The following COPZ2 variants were observed in gnomAD, a reference collection of about 807,000 sequenced individuals.
COPZ2 encodes the protein coatomer subunit zeta-2.
Under a neutral mutation model 33.2 loss-of-function variants are expected in COPZ2, and 30 were observed. The ratio of observed to expected loss-of-function variants is 0.90; its 90% CI spans 0.68 to 1.23. COPZ2 has a LOEUF of 1.23. Among genes scored for constraint, COPZ2 ranks in the 50% most tolerant of loss-of-function variants. The pLI, the probability that COPZ2 is intolerant of heterozygous loss-of-function variation, is 0.00. For synonymous variants in COPZ2, 89 were observed against 102.6 expected, an observed-to-expected ratio of 0.87 and a Z score of 0.80; for missense variants, 263 against 262.4, an observed-to-expected ratio of 1.00 and a Z score of -0.02.
chr17:48,029,055 C>G, intron 7 of COPZ2, 70 bp downstream of exon 7: 1 of 1,418,878 alleles, frequency 7.0e-7, no homozygotes, highest in Non-Finnish European at 9.7e-7. Context: ...CATCTAGGCC[C>G]TAGCAGCCCT....
rs375299365 is a variant in COPZ2 at position 48,028,536 on chromosome 17, G to A, written c.547-26C>T. The A allele has an allele frequency of 3.4e-5, 55 of 1,602,402 alleles. No individual in the cohort carries two copies. Among genetic ancestry groups the A allele is most frequent in the Non-Finnish European group, 4.5e-5 (53 of 1,174,714 alleles). ...CTGTAAGGAAGCAGAGTCAAGGGGT[G>A]GGGTAGGGCCAGCATGAGGGTCCTG... On this transcript the variant is annotated intron_variant, in intron 7 of 8. Transcript: ENST00000621465. The surrounding 1 kb of genome is among the most constrained non-coding windows in gnomAD (Gnocchi z 4.5).
Position 48,037,017 on chromosome 17 carries a change from G to A in COPZ2, c.112-92C>T. 8.6e-7 allele frequency: 1 copy of A among 1,161,812 alleles called. No individual in the cohort carries two copies. The highest frequency in any genetic ancestry group is 1.3e-6 in the Non-Finnish European group (1 of 775,264). The allele number at this position is 1,161,812 out of a possible 1,614,324, so 72.0% of individuals were successfully genotyped here. A position where few individuals can be genotyped will look rare whatever the true frequency, so the allele number is the denominator to read the frequency against. ...CTGCTGGCCCTAGGATACATCCTCA[G>A]GCCCCAGCAACCCCAGTCCTCAAGG... On this transcript the variant is annotated intron_variant, in intron 1 of 8. Transcript: ENST00000621465. The surrounding 1 kb of genome is among the most constrained non-coding windows in gnomAD (Gnocchi z 5.6).
chr17:48,044,808 T>C, the COPZ2 span, among the ~76,000 whole-genome samples: 2 of 152,292 alleles, frequency 1.3e-5, no homozygotes, highest in African/African-American at 2.4e-5. Flanking sequence ...CATGCTAACA[T>C]TTAGTATTGA....
chr17:48,037,697 A>C lies in COPZ2; in HGVS notation c.81T>G (p.Pro27=). 1 of 1,069,844 alleles carries C rather than the reference A, an allele frequency of 9.3e-7. No individual in the cohort carries two copies. 66.3% of individuals were successfully genotyped at this position (1,069,844 alleles called of 1,614,324 possible). Residue 27 remains proline (P), a synonymous_variant, in exon 1 of 9, where the codon CCT becomes CCG. Transcript: ENST00000621465. This position sits in a 1 kb window ranked among gnomAD's most constrained non-coding sequence, Gnocchi z 5.6. ...GCCCCGAGGGCTCCCCGGCTCGAGC[A>C]GGCGGCGCCGGGCCCCCGGCCTGGG... ...AAAQAGGPAP[P]ARAGEPSGLR...
At chr17:48,035,355 A>T (rs780650969) in intron 2 of COPZ2, among the ~76,000 whole-genome samples, 4 of 152,164 alleles carry the variant, frequency 2.6e-5, no homozygotes, top group Admixed American at 6.5e-5. Flanking sequence ...TGCTTATTTG[A>T]ATTTCATAAA....
chr17:48,038,913 C>T (rs761458072), upstream of COPZ2, among the ~76,000 whole-genome samples: 4 of 152,206 alleles, frequency 2.6e-5, no homozygotes, highest in Non-Finnish European at 4.4e-5. Flanking sequence ...TCTCCTGTCA[C>T]ATTCTCTCAG....
chr17:48,030,704 C>T (rs569675977), intron 6 of COPZ2, among the ~76,000 whole-genome samples: 2 of 152,356 alleles, frequency 1.3e-5, no homozygotes, highest in East Asian at 3.9e-4. Context: ...TCCCGACTGG[C>T]GCTTCCCCAG....
In COPZ2 at chr17:48,029,331, TCCCTCAGCATGGAGAG is replaced by T. The variant is rs1330352628; in HGVS notation, c.495-171_495-156del. On this transcript the variant is annotated intron_variant, in intron 6 of 8. Transcript: ENST00000621465. ...ACTGATAGCCCTCAAGTCAGAACTC[TCCCTCAGCATGGAGAG>T]CCCTCAGCTCTGATTCTTTGATGCT... 7.0e-6 allele frequency: 5 copies of T among 711,260 alleles called. No homozygotes were observed. The African/African-American group carries it at 8.9e-5, about 13-fold the overall frequency. 44.1% of individuals were successfully genotyped at this position (711,260 alleles called of 1,614,324 possible).
the COPZ2 span, chr17:48,046,573 T>C: frequency 1.3e-5 from 2 of 152,236 alleles, no homozygotes; most frequent in South Asian, 2.1e-4. Flanking sequence ...GGCCCAGTTC[T>C]ATGTTTAAAA....
chr17:48,041,922 G>C (rs542638714), upstream of COPZ2, among the ~76,000 whole-genome samples: 2 of 151,648 alleles, frequency 1.3e-5, no homozygotes, highest in South Asian at 2.1e-4. Flanking sequence ...GCAGCCTCCA[G>C]AAGGGACAGA....
chr17:48,041,312 G>A (rs2037060240), upstream of COPZ2, among the ~76,000 whole-genome samples: 1 of 152,152 alleles, frequency 6.6e-6, no homozygotes, highest in Non-Finnish European at 1.5e-5. Flanking sequence ...GTATGTACAT[G>A]CGTGCGTTTC....
chr17:48,039,027 T>A (rs1273203516), upstream of COPZ2, among the ~76,000 whole-genome samples: 2 of 152,138 alleles, frequency 1.3e-5, no homozygotes, highest in Non-Finnish European at 2.9e-5. Context: ...CAGGCTGGAG[T>A]GCAGTGACTC....
At chr17:48,031,345 A>G (rs1030972294) in intron 6 of COPZ2, among the ~76,000 whole-genome samples, 2 of 151,826 alleles carry the variant, frequency 1.3e-5, no homozygotes, top group Admixed American at 1.3e-4. Context: ...CCAGCTACTC[A>G]GGAGGCTGAA....
At chr17:48,046,709 TTTA>T in the COPZ2 span, 1 of 152,234 alleles carries the variant, frequency 6.6e-6, no homozygotes, top group Non-Finnish European at 1.5e-5. Flanking sequence ...GGTCTCCTAT[TTTA>T]TTGTTAACAT....
At chr17:48,042,189 A>G (rs2037068980), upstream of COPZ2, among the ~76,000 whole-genome samples, 1 of 151,940 alleles carries the variant, frequency 6.6e-6, no homozygotes, top group Non-Finnish European at 1.5e-5. Context: ...GCTGGAGTGC[A>G]ATGGGGTGAT....
At chr17:48,032,115 G>A (rs1193129654) in intron 6 of COPZ2, 41 bp downstream of exon 6, 14 of 1,543,836 alleles carry the variant, frequency 9.1e-6, no homozygotes, top group Admixed American at 1.7e-5. Flanking sequence ...GATTATCAAA[G>A]GCACTCCTGC....
the COPZ2 span, chr17:48,043,396 C>G: frequency 2.4e-6 from 1 of 409,058 alleles, no homozygotes; most frequent in Non-Finnish European, 3.3e-6. Flanking sequence ...ATTTCAGCAT[C>G]TGTTCTTATG....
At position 48,037,240 on chromosome 17, in the gene COPZ2, G is replaced by A. The variant is rs765536209; in HGVS notation, c.112-315C>T. The A allele has an allele frequency of 3.4e-6, 2 of 595,904 alleles. No individual in the cohort carries two copies. Among genetic ancestry groups the A allele is most frequent in the South Asian group, 1.5e-5 (1 of 66,092 alleles). The allele number at this position is 595,904 out of a possible 1,614,324, so 36.9% of individuals were successfully genotyped here. On this transcript the variant is annotated intron_variant, in intron 1 of 8. Transcript: ENST00000621465. This position sits in a 1 kb window ranked among gnomAD's most constrained non-coding sequence, Gnocchi z 5.6. ...GAGTGTATCACAGAACCTGGGCCGG[G>A]GGGGACAGCGGGCCGAGCCTCCTTC...
intron 6 of COPZ2, among the ~76,000 whole-genome samples, chr17:48,029,668 CCTT>C (rs898462300): frequency 6.1e-5 from 3 of 49,220 alleles, no homozygotes; most frequent in East Asian, 1.7e-3. Flanking sequence ...CTACTTCCTC[CCTT>C]TTTTTTTTTT....
Sources: gnomAD v4.1 joint callset for allele counts (sites outside exome capture counted in the v4.1 genomes callset) on GRCh38, gnomAD v4.1.1 for gene constraint, Gnocchi (gnomAD v3.1) non-coding constraint, MANE v1.5 for transcripts, NCBI Gene and HGNC (gene_info 2026-07-23, HGNC 2026-07-21) for gene names.